STK10: variants seen among roughly 807,000 people sequenced by gnomAD.
The protein encoded by STK10 is serine/threonine-protein kinase 10.
Under a neutral mutation model 113.8 loss-of-function variants are expected in STK10, and 78 were observed. The observed-to-expected ratio is 0.69, with a 90% CI of 0.57 to 0.83. The LOEUF is 0.83. Among genes scored for constraint, STK10 ranks in the 40% least tolerant of loss-of-function variants. The pLI is 0.00. For synonymous variants in STK10, 465 were observed against 494.7 expected, an observed-to-expected ratio of 0.94 and a Z score of 0.80; for missense variants, 1,109 against 1,280.1, an observed-to-expected ratio of 0.87 and a Z score of 2.04.
At chr5:172,079,732 TTG>T (rs1768390711) in intron 12 of STK10, among the ~76,000 whole-genome samples, 1 of 152,016 alleles carries the variant, frequency 6.6e-6, no homozygotes, top group Admixed American at 6.6e-5. Flanking sequence ...ACTAATTTTT[TTG>T]TGTTTTTAGC....
chr5:172,091,653 C>T (rs1326688099), intron 9 of STK10, among the ~76,000 whole-genome samples: 1 of 152,028 alleles, frequency 6.6e-6, no homozygotes, highest in Non-Finnish European at 1.5e-5. Flanking sequence ...GCCTTAGCCT[C>T]CTGAGTGGCT....
Position 172,127,402 on chromosome 5 carries a change from G to A in STK10, c.341C>T (p.Pro114Leu), listed in dbSNP as rs1769645893. ...CATGATGGCGTCCACGGCTCCCCCTGGACAGAACTCAATCATGATCTGCAG... is the reference window on the plus strand; with the variant it reads ...CATGATGGCGTCCACGGCTCCCCCTAGACAGAACTCAATCATGATCTGCAG... The part of the protein sequence containing the change: ...GKLWIMIEFC[P>L]GGAVDAIMLE... The change falls in exon 3 of 19, where the codon CCA (proline) becomes CTA (leucine). Residue 114 changes from proline (P) to leucine (L), a missense_variant. Coordinates refer to ENST00000176763, the MANE Select transcript of STK10 (RefSeq NM_005990.4). 1 of 1,613,668 alleles carries A rather than the reference G, an allele frequency of 6.2e-7. No homozygotes were observed. The highest frequency in any genetic ancestry group is 1.3e-5 in the African/African-American group (1 of 74,894).
intron 6 of STK10, 135 bp from the exon 7 acceptor site, chr5:172,105,872 G>T: frequency 1.4e-6 from 1 of 710,766 alleles, no homozygotes. Flanking sequence ...ACAGTGACAG[G>T]GCCTACACGA....
intron 1 of STK10, among the ~76,000 whole-genome samples, chr5:172,164,960 A>T (rs372309079): frequency 6.6e-6 from 1 of 152,262 alleles, no homozygotes; most frequent in East Asian, 1.9e-4. Flanking sequence ...CACAGTGGCC[A>T]CTTGTGTTTT....
At position 172,106,688 on chromosome 5, in the gene STK10, G is replaced by A. The variant is rs945850520; in HGVS notation, c.720C>T (p.Leu240=). 6.2e-6 allele frequency: 10 copies of A among 1,613,944 alleles called. No homozygotes were observed. The highest frequency in any genetic ancestry group is 8.5e-6 in the Non-Finnish European group (10 of 1,180,046). Residue 240 remains leucine, a synonymous_variant, in exon 6 of 19, where the codon CTC becomes CTT. Transcript: ENST00000176763. ...MAQIEPPHHE[L]NPMRVLLKIA... is the part of the protein sequence containing the mutation. ...TCTTTAGCAGGACCCGCATGGGGTT[G>A]AGCTCGTGGTGTGGCGGCTCGATCT... is the stretch of plus-strand genomic sequence containing the variant.
chr5:172,074,322 G>A (rs1768263592), intron 12 of STK10, among the ~76,000 whole-genome samples: 1 of 152,178 alleles, frequency 6.6e-6, no homozygotes, highest in Non-Finnish European at 1.5e-5. Flanking sequence ...TCAAGACACT[G>A]TAGTATTGGT....
intron 15 of STK10, 155 bp downstream of exon 15, chr5:172,057,194 C>A: frequency 9.4e-7 from 1 of 1,068,316 alleles, no homozygotes; most frequent in Non-Finnish European, 1.3e-6. Context: ...CCCTGGAGAA[C>A]CTCCTGGGGC....
At chr5:172,163,900 C>T (rs537629047) in intron 1 of STK10, among the ~76,000 whole-genome samples, 95 of 152,162 alleles carry the variant, frequency 6.2e-4, no homozygotes, top group African/African-American at 2.2e-3. Context: ...CTCCCTCTGG[C>T]CACAGTGATT....
intron 9 of STK10, among the ~76,000 whole-genome samples, chr5:172,092,159 G>A (rs772043150): frequency 6.6e-6 from 1 of 152,188 alleles, no homozygotes; most frequent in Non-Finnish European, 1.5e-5. Flanking sequence ...AGTAGAGGCC[G>A]GCAGGAGTGA....
At chr5:172,144,233 C>T (rs907254044) in intron 2 of STK10, among the ~76,000 whole-genome samples, 2 of 152,238 alleles carry the variant, frequency 1.3e-5, no homozygotes, top group Non-Finnish European at 2.9e-5. Context: ...CCAAGACACA[C>T]GGACAGCCTA....
In STK10 at chr5:172,156,591, G is replaced by C. The variant is rs188082394; in HGVS notation, c.321+33C>G. 3.0e-4 allele frequency: 486 copies of C among 1,596,942 alleles called. No individual in the cohort carries two copies. In the African/African-American group the frequency reaches 5.9e-3, roughly 20 times the overall value. On this transcript the variant is annotated intron_variant, in intron 2 of 18. Transcript: ENST00000176763. ...AGCTCCAGAGCACCAGGCCATGGGG[G>C]CTGAGCTGGGACAGACAGGGCGGCA...
chr5:172,121,322 C>T (rs530257891), intron 3 of STK10, among the ~76,000 whole-genome samples: 4 of 152,064 alleles, frequency 2.6e-5, no homozygotes, highest in Admixed American at 6.6e-5. Context: ...TGAGCCACTG[C>T]GCCCAGCCTA....
At chr5:172,081,276 G>A (rs938536962) in intron 12 of STK10, among the ~76,000 whole-genome samples, 3 of 151,030 alleles carry the variant, frequency 2.0e-5, no homozygotes, top group Admixed American at 6.6e-5. Context: ...GCTTGAACTC[G>A]GGAGGCAGAG....
At chr5:172,185,010 AGAG>A (rs1770927851) in intron 1 of STK10, among the ~76,000 whole-genome samples, 1 of 152,074 alleles carries the variant, frequency 6.6e-6, no homozygotes, top group South Asian at 2.1e-4. Context: ...TGGAGAACCA[AGAG>A]GAGACAGTAT....
chr5:172,176,939 C>A lies in STK10; in HGVS notation c.156+10948G>T, dbSNP rs909072655. On this transcript the variant is annotated intron_variant, in intron 1 of 18. Coordinates refer to ENST00000176763, the MANE Select transcript of STK10 (RefSeq NM_005990.4). Reference sequence around the variant, plus strand: ...CTGTAATCCCAGCACTCTGGGAGGCCGAGGCGAGTGGATCACTTGAAGCCA... The same window carrying A: ...CTGTAATCCCAGCACTCTGGGAGGCAGAGGCGAGTGGATCACTTGAAGCCA... 3.3e-5 allele frequency among the ~76,000 whole-genome samples: 5 copies of A among 152,258 alleles called. No individual in the cohort carries two copies. In the East Asian group the frequency reaches 5.8e-4, roughly 18 times the overall value.
intron 9 of STK10, among the ~76,000 whole-genome samples, chr5:172,091,837 A>T (rs1768717228): frequency 6.6e-6 from 1 of 151,340 alleles, no homozygotes; most frequent in South Asian, 2.1e-4. Flanking sequence ...CGGCCCAAAG[A>T]CTCTTTTTGG....
At chr5:172,089,883 G>C (rs1299640309) in intron 10 of STK10, among the ~76,000 whole-genome samples, 1 of 151,880 alleles carries the variant, frequency 6.6e-6, no homozygotes, top group Non-Finnish European at 1.5e-5. Flanking sequence ...GTAGATGAAT[G>C]GGTGGACAGT....
At chr5:172,119,536 C>G (rs1276356872) in intron 3 of STK10, among the ~76,000 whole-genome samples, 2 of 152,164 alleles carry the variant, frequency 1.3e-5, no homozygotes, top group Admixed American at 1.3e-4. Flanking sequence ...GGCCACATAG[C>G]GAGACCCAGC....
chr5:172,089,745 A>G lies in STK10; in HGVS notation c.1685+487T>C, dbSNP rs566475066. On this transcript the variant is annotated intron_variant, in intron 10 of 18. Transcript: ENST00000176763. ...AGTGAGTGGGTAGATGAATCAGTGG[A>G]TGAGTGGATGAATGGATGGATGAAT... Among the ~76,000 whole-genome samples, 120 of 151,960 alleles carry G rather than the reference A, an allele frequency of 7.9e-4. 1 individual carries two copies. The highest frequency in any genetic ancestry group is 2.8e-3 in the African/African-American group (114 of 41,420).
Sources: gnomAD v4.1 joint callset for allele counts (sites outside exome capture counted in the v4.1 genomes callset) on GRCh38, gnomAD v4.1.1 for gene constraint, MANE v1.5 for transcripts, NCBI Gene and HGNC (gene_info 2026-07-23, HGNC 2026-07-21) for gene names.